Variants in QKI observed in about 807,000 individuals in gnomAD.
QKI encodes the protein KH domain-containing RNA-binding protein QKI.
Under a neutral mutation model 39.0 loss-of-function variants are expected in QKI, and 10 were observed. The ratio of observed to expected loss-of-function variants is 0.26; its 90% confidence interval spans 0.16 to 0.43. QKI has a LOEUF of 0.43. Ranked by LOEUF, QKI falls within the 20% of genes least tolerant of loss-of-function variation. The pLI, the probability that QKI is intolerant of heterozygous loss-of-function variation, is 1.00. For missense variants in QKI, 218 were observed against 428.0 expected, an observed-to-expected ratio of 0.51 and a Z score of 4.33; for synonymous variants, 204 against 155.4, an observed-to-expected ratio of 1.31 and a Z score of -2.33.
At position 163,454,181 on chromosome 6, in the gene QKI, C is replaced by T. The variant is rs1189415288; in HGVS notation, c.143-1098C>T. Among the ~76,000 whole-genome samples, 3 of 152,008 alleles carry T rather than the reference C, an allele frequency of 2.0e-5. No individual in the cohort carries two copies. The East Asian group carries it at 5.8e-4, about 29-fold the overall frequency. On this transcript the variant is annotated intron_variant, in intron 1 of 7. Transcript: ENST00000361752. ...CTGGCTAACCTTAATAATGACAACC[C>T]TTATTGGGCAGTATGTTCCAAAGGA...
intron 2 of QKI, among the ~76,000 whole-genome samples, chr6:163,475,752 C>T (rs934228027): frequency 6.6e-6 from 1 of 152,022 alleles, no homozygotes; most frequent in African/African-American, 2.4e-5. Flanking sequence ...GATGTAAATT[C>T]GAAAGACTTA....
At chr6:163,424,757 G>A (rs1409519149) in intron 1 of QKI, among the ~76,000 whole-genome samples, 4 of 150,940 alleles carry the variant, frequency 2.7e-5, no homozygotes, top group Non-Finnish European at 5.9e-5. Context: ...TCAGCCTCCC[G>A]AGTAGCTGGG....
intron 4 of QKI, among the ~76,000 whole-genome samples, chr6:163,549,770 T>A (rs2128245899): frequency 6.6e-6 from 1 of 152,338 alleles, no homozygotes. Context: ...CTGTGGTTTT[T>A]AAATGAACAT....
chr6:163,452,000 A>G (rs1318617167), intron 1 of QKI, among the ~76,000 whole-genome samples: 1 of 152,246 alleles, frequency 6.6e-6, no homozygotes, highest in African/African-American at 2.4e-5. Context: ...ACTTTTAAAA[A>G]CAGGATTATG....
chr6:163,517,237 G>C (rs1779886947), intron 3 of QKI, among the ~76,000 whole-genome samples: 1 of 152,146 alleles, frequency 6.6e-6, no homozygotes, highest in Non-Finnish European at 1.5e-5. Flanking sequence ...AACCCAGTTG[G>C]TGTTTGGAAT....
chr6:163,494,564 C>G (rs1778279933), intron 3 of QKI, among the ~76,000 whole-genome samples: 1 of 152,012 alleles, frequency 6.6e-6, no homozygotes, highest in South Asian at 2.1e-4. Context: ...TGAGATAGAA[C>G]AAGATGACAC....
At chr6:163,510,157 A>G (rs994976423) in intron 3 of QKI, among the ~76,000 whole-genome samples, 1 of 151,442 alleles carries the variant, frequency 6.6e-6, no homozygotes, top group African/African-American at 2.4e-5. Context: ...TGGAGGTTGC[A>G]GTGAGCCAAG....
At chr6:163,487,551 G>A (rs1226760514) in intron 3 of QKI, among the ~76,000 whole-genome samples, 3 of 151,950 alleles carry the variant, frequency 2.0e-5, no homozygotes, top group East Asian at 3.9e-4. Context: ...TACAAATGAG[G>A]GTCATCTACA....
chr6:163,434,598 C>A (rs1235845911), intron 1 of QKI, among the ~76,000 whole-genome samples: 2 of 151,786 alleles, frequency 1.3e-5, no homozygotes, highest in Non-Finnish European at 2.9e-5. Context: ...GCCTGTAATC[C>A]CAGCTACTTG....
chr6:163,539,392 G>A (rs556925358), intron 4 of QKI, among the ~76,000 whole-genome samples: 4 of 152,168 alleles, frequency 2.6e-5, no homozygotes, highest in East Asian at 1.9e-4. Flanking sequence ...AAAAAGAACC[G>A]GGATTTTTTC....
rs557286840 is a variant in QKI at position 163,564,066 on chromosome 6, CTTTA to C, written c.934+351_934+354del. ...ACCTCCATCAGCTCCACTTCTCAAA[CTTTA>C]TTTGAGATTTATTTTATCTCACAGG... On this transcript the variant is annotated intron_variant, in intron 6 of 7. Coordinates refer to ENST00000361752, the MANE Select transcript of QKI (RefSeq NM_006775.3). The C allele has an allele frequency of 1.5e-4, 163 of 1,090,388 alleles. No homozygotes were observed. The African/African-American group carries it at 2.3e-3, about 15-fold the overall frequency. The allele number at this position is 1,090,388 out of a possible 1,614,324, so 67.5% of individuals were successfully genotyped here. A position where few individuals can be genotyped will look rare whatever the true frequency, so the allele number is the denominator to read the frequency against.
chr6:163,486,994 T>G (rs1270050320), intron 3 of QKI, among the ~76,000 whole-genome samples: 2 of 152,172 alleles, frequency 1.3e-5, no homozygotes, highest in Non-Finnish European at 2.9e-5. Context: ...GATTTTATTC[T>G]TATGAAATAT....
chr6:163,577,546 C>G lies in QKI; in HGVS notation c.*6836C>G, dbSNP rs548284394. 2 of 152,570 alleles carry G rather than the reference C, an allele frequency of 1.3e-5. No homozygotes were observed. Among genetic ancestry groups the G allele is most frequent in the East Asian group, 3.9e-4 (2 of 5,184 alleles). 9.5% of individuals were successfully genotyped at this position (152,570 alleles called of 1,614,324 possible). A position where few individuals can be genotyped will look rare whatever the true frequency, so the allele number is the denominator to read the frequency against. On this transcript the variant is annotated 3_prime_UTR_variant, in exon 8 of 8. Transcript: ENST00000361752. ...AGCTGAAACTGAGTAATTAAACGGT[C>G]CCCTGAAGCCAAGTATTCCCTGGTT...
At chr6:163,418,094 C>CTT (rs919609202) in intron 1 of QKI, among the ~76,000 whole-genome samples, 2 of 140,886 alleles carry the variant, frequency 1.4e-5, no homozygotes, top group Non-Finnish European at 1.6e-5. Context: ...TTAGGCATTA[C>CTT]TTTTTTTTTT....
chr6:163,564,849 T>A (rs1200642665), intron 6 of QKI: 12 of 1,481,614 alleles, frequency 8.1e-6, no homozygotes, highest in Middle Eastern at 1.8e-4. Flanking sequence ...ATGACCTTGG[T>A]GCTGCATGCA....
chr6:163,552,623 A>T, intron 4 of QKI, among the ~76,000 whole-genome samples: 1 of 152,074 alleles, frequency 6.6e-6, no homozygotes, highest in Non-Finnish European at 1.5e-5. Flanking sequence ...ATAAAAGTGG[A>T]CCTGCATGGT....
chr6:163,497,726 T>C lies in QKI; in HGVS notation c.402+18830T>C, dbSNP rs1778502463. Among the ~76,000 whole-genome samples, 4 of 152,290 alleles carry C rather than the reference T, an allele frequency of 2.6e-5. No homozygotes were observed. In the South Asian group the frequency reaches 8.3e-4, roughly 32 times the overall value. On this transcript the variant is annotated intron_variant, in intron 3 of 7. Coordinates refer to ENST00000361752, the MANE Select transcript of QKI (RefSeq NM_006775.3). Reference sequence around the variant, plus strand: ...TAATTTTTCTTCTCAGTATAGCTTTTTGGAAGAGTGGCATTAAGTTTTGAT... The same window carrying C: ...TAATTTTTCTTCTCAGTATAGCTTTCTGGAAGAGTGGCATTAAGTTTTGAT...
intron 3 of QKI, among the ~76,000 whole-genome samples, chr6:163,507,700 A>G (rs1281612261): frequency 1.3e-5 from 2 of 152,232 alleles, no homozygotes; most frequent in African/African-American, 4.8e-5. Flanking sequence ...GCAGCCCTCA[A>G]TTGAATCAAG....
intron 3 of QKI, among the ~76,000 whole-genome samples, chr6:163,524,162 A>T (rs1379933702): frequency 3.2e-4 from 48 of 152,084 alleles, no homozygotes; most frequent in Non-Finnish European, 4.4e-5. Context: ...TTCTAATCCA[A>T]ATGCTTCATG....
Sources: gnomAD v4.1 joint callset for allele counts (sites outside exome capture counted in the v4.1 genomes callset) on GRCh38, gnomAD v4.1.1 for gene constraint, MANE v1.5 for transcripts, NCBI Gene and HGNC (gene_info 2026-07-23, HGNC 2026-07-21) for gene names.